Variants in RBPMS observed in about 807,000 individuals in gnomAD.
The protein encoded by RBPMS is RNA binding protein, mRNA processing factor.
Under a neutral mutation model 26.8 loss-of-function variants are expected in RBPMS, and 7 were observed. That is an observed-to-expected ratio of 0.26 (90% CI 0.15 to 0.49). The LOEUF (loss-of-function observed/expected upper bound fraction) is 0.49. RBPMS is among the 20% of genes least tolerant of loss of function. The pLI, the probability that RBPMS is intolerant of heterozygous loss-of-function variation, is 0.98. For missense variants in RBPMS, 186 were observed against 250.0 expected (o/e 0.74, Z 1.73); for synonymous variants, 96 against 93.3 (o/e 1.03, Z -0.17).
At chr8:30,537,749 C>T (rs1824949032) in intron 5 of RBPMS, 3 of 419,990 alleles carry the variant, frequency 7.1e-6, no homozygotes, top group South Asian at 5.2e-5. Context: ...GCTAATGTCT[C>T]CCATGAGGAT....
At chr8:30,485,441 C>T (rs910031018) in intron 4 of RBPMS, among the ~76,000 whole-genome samples, 7 of 152,048 alleles carry the variant, frequency 4.6e-5, no homozygotes, top group African/African-American at 1.7e-4. Flanking sequence ...CCAGCTGGGA[C>T]TTTTAGATGG....
At chr8:30,549,605 C>A (rs937893911) in intron 6 of RBPMS, 8 of 1,590,916 alleles carry the variant, frequency 5.0e-6, no homozygotes, top group Non-Finnish European at 6.0e-6. Flanking sequence ...TCTAGGAGCA[C>A]CTGGCTTAGC....
chr8:30,426,275 T>C (rs995923155), intron 1 of RBPMS, among the ~76,000 whole-genome samples: 9 of 152,254 alleles, frequency 5.9e-5, no homozygotes, highest in African/African-American at 1.9e-4. Flanking sequence ...GTCATCCTTT[T>C]AATCTTGTGG....
chr8:30,500,340 CTTTT>C (rs36121330), intron 4 of RBPMS, among the ~76,000 whole-genome samples: 1 of 140,130 alleles, frequency 7.1e-6, no homozygotes, highest in Admixed American at 7.0e-5. Flanking sequence ...TGTTGAGTAT[CTTTT>C]TTTTTTTTTT....
chr8:30,410,894 C>T (rs923043067), intron 1 of RBPMS, among the ~76,000 whole-genome samples: 9 of 151,880 alleles, frequency 5.9e-5, no homozygotes, highest in Non-Finnish European at 1.0e-4. Flanking sequence ...CACAGCCATG[C>T]CAGGCTAATT....
intron 1 of RBPMS, among the ~76,000 whole-genome samples, chr8:30,470,586 G>A (rs1410719654): frequency 6.6e-6 from 1 of 152,158 alleles, no homozygotes; most frequent in Non-Finnish European, 1.5e-5. Context: ...AATACATAAT[G>A]TAAGTATTCA....
intron 4 of RBPMS, among the ~76,000 whole-genome samples, chr8:30,495,013 A>G (rs1819778664): frequency 6.6e-6 from 1 of 152,230 alleles, no homozygotes; most frequent in African/African-American, 2.4e-5. Context: ...CCTAGTCACT[A>G]GGAAATATTA....
At chr8:30,565,682 T>C (rs933510885) in intron 7 of RBPMS, 1 of 152,342 alleles carries the variant, frequency 6.6e-6, no homozygotes, top group Admixed American at 6.5e-5. Context: ...TGCATCCTTT[T>C]AGTTTTTGTT....
intron 7 of RBPMS, chr8:30,565,862 A>C (rs922859829): frequency 1.3e-5 from 2 of 152,290 alleles, no homozygotes; most frequent in African/African-American, 4.8e-5. Context: ...GCCTTTGGAC[A>C]GTCCTCCGGG....
intron 1 of RBPMS, among the ~76,000 whole-genome samples, chr8:30,473,205 C>T (rs890129616): frequency 6.6e-6 from 1 of 152,156 alleles, no homozygotes; most frequent in Non-Finnish European, 1.5e-5. Context: ...GCTTGCCCTT[C>T]CCCAAGAATG....
At chr8:30,413,335 T>G (rs977855177) in intron 1 of RBPMS, among the ~76,000 whole-genome samples, 3 of 152,206 alleles carry the variant, frequency 2.0e-5, no homozygotes, top group Non-Finnish European at 4.4e-5. Context: ...CCTCCCAAAG[T>G]TCTGGGATTA....
chr8:30,423,746 ATC>A lies in RBPMS; in HGVS notation c.66+38595_66+38596del, dbSNP rs1172742659. On this transcript the variant is annotated intron_variant, in intron 1 of 8. Transcript: ENST00000397323. ...CATGGGTCCCTTGCCAAGAGAGAAGATCTCTCTCAGGAAGAAAGGCAGGATGG... is the reference window on the plus strand; with the variant it reads ...CATGGGTCCCTTGCCAAGAGAGAAGATCTCTCAGGAAGAAAGGCAGGATGG... Among the ~76,000 whole-genome samples the A allele has an allele frequency of 3.9e-5, 6 of 152,008 alleles. No individual in the cohort carries two copies. In the East Asian group the frequency reaches 9.7e-4, roughly 24 times the overall value.
intron 2 of RBPMS, among the ~76,000 whole-genome samples, chr8:30,475,988 C>T (rs1450495472): frequency 2.0e-5 from 3 of 152,064 alleles, no homozygotes; most frequent in Non-Finnish European, 2.9e-5. Flanking sequence ...TTTCTTCTGC[C>T]GGGTTGTACT....
chr8:30,420,910 G>C (rs1416476670), intron 1 of RBPMS, among the ~76,000 whole-genome samples: 1 of 152,122 alleles, frequency 6.6e-6, no homozygotes, highest in East Asian at 1.9e-4. Flanking sequence ...ACAGTAGTTA[G>C]GAATGGTTTA....
chr8:30,514,373 G>A (rs1822057676), intron 5 of RBPMS, among the ~76,000 whole-genome samples: 1 of 152,198 alleles, frequency 6.6e-6, no homozygotes, highest in Middle Eastern at 3.4e-3. Context: ...GTTATTCAGA[G>A]TTGGATTTTG....
intron 1 of RBPMS, among the ~76,000 whole-genome samples, chr8:30,391,802 A>G (rs944902309): frequency 6.6e-6 from 1 of 152,180 alleles, no homozygotes; most frequent in African/African-American, 2.4e-5. Context: ...ATCAGAAGAA[A>G]GCTGCTTGGC....
At chr8:30,545,687 T>C (rs1163415386) in intron 6 of RBPMS, 3 of 153,106 alleles carry the variant, frequency 2.0e-5, no homozygotes, top group African/African-American at 7.2e-5. Context: ...AAAGACCACC[T>C]AGAAGCAGCC....
At chr8:30,449,724 A>G (rs192645001) in intron 1 of RBPMS, among the ~76,000 whole-genome samples, 5 of 152,174 alleles carry the variant, frequency 3.3e-5, no homozygotes, top group African/African-American at 1.2e-4. Context: ...TGTACCTCAC[A>G]CAAGGAGAAA....
chr8:30,458,043 A>G (rs985285854), intron 1 of RBPMS, among the ~76,000 whole-genome samples: 1 of 152,180 alleles, frequency 6.6e-6, no homozygotes, highest in Non-Finnish European at 1.5e-5. Context: ...TAAAATGGGC[A>G]TGGTATTTGC....
Sources: allele counts gnomAD v4.1 joint callset (sites outside exome capture counted in the v4.1 genomes callset), GRCh38; gene constraint gnomAD v4.1.1; transcripts MANE v1.5; gene names NCBI Gene and HGNC (gene_info 2026-07-23, HGNC 2026-07-21).